RBM12B: variants seen among roughly 807,000 people sequenced by gnomAD.
RBM12B encodes RNA-binding protein 12B.
Under a neutral mutation model 34.3 loss-of-function variants are expected in RBM12B, and 10 were observed. That is an observed-to-expected ratio of 0.29 (90% CI 0.18 to 0.49). The LOEUF (loss-of-function observed/expected upper bound fraction) is 0.49, where lower values mean the gene tolerates loss of function less well. Among genes scored for constraint, RBM12B ranks in the 20% least tolerant of loss-of-function variants. The probability of loss-of-function intolerance (pLI) is 0.99; values close to 1 mark genes in which losing one functional copy is unlikely to be tolerated. For synonymous variants in RBM12B, 477 were observed against 437.1 expected (o/e 1.09, Z -1.14); for missense variants, 1,139 against 1,262.7 (o/e 0.90, Z 1.48).
At position 93,728,613 on chromosome 8, in the gene RBM12B, A is replaced by G. The variant is rs572854361; in HGVS notation, c.*4792T>C. 6.3e-5 allele frequency: 11 copies of G among 175,944 alleles called. No individual in the cohort carries two copies. The East Asian group carries it at 1.7e-3, about 27-fold the overall frequency. The allele number at this position is 175,944 out of a possible 1,614,324, so 10.9% of individuals were successfully genotyped here. A position where few individuals can be genotyped will look rare whatever the true frequency, so the allele number is the denominator to read the frequency against. ...CAATAGTACATTATGACAGAAACCA[A>G]AAGATCTAACAATTCTGCTTAGCTT... On this transcript the variant is annotated 3_prime_UTR_variant, in exon 4 of 4. Coordinates refer to ENST00000520560, the MANE Select transcript of RBM12B (RefSeq NM_001377960.1).
At position 93,736,200 on chromosome 8, in the gene RBM12B, G is replaced by T; in HGVS notation, c.211C>A (p.Leu71Ile). The T allele has an allele frequency of 6.2e-7, 1 of 1,614,126 alleles. No homozygotes were observed. Among genetic ancestry groups the T allele is most frequent in the Non-Finnish European group, 8.5e-7 (1 of 1,180,030 alleles). ...ATTTCTGCCTTGCTACTAAGAAAGA[G>T]CTCTACAGATGAATCCTTGATAAAC... is the stretch of plus-strand genomic sequence containing the variant. ...GGFIKDSSVE[L>I]FLSSKAEMQK... The change falls in exon 4 of 4, where the codon CTC (leucine) becomes ATC (isoleucine). Residue 71 changes from leucine (L) to isoleucine (I), a missense_variant. Leu to Ile is a conservative substitution (Grantham distance 5). Coordinates refer to ENST00000520560, the MANE Select transcript of RBM12B (RefSeq NM_001377960.1).
chr8:93,736,923 C>T (rs1812038551), intron 3 of RBM12B, among the ~76,000 whole-genome samples: 1 of 152,190 alleles, frequency 6.6e-6, no homozygotes. Context: ...GAACAAAAGC[C>T]AGGGCCAGCA....
At position 93,732,397 on chromosome 8, in the gene RBM12B, CAG is replaced by C. The variant is rs1811823924; in HGVS notation, c.*1006_*1007del. On this transcript the variant is annotated 3_prime_UTR_variant, in exon 4 of 4. Coordinates refer to ENST00000520560, the MANE Select transcript of RBM12B (RefSeq NM_001377960.1). ...CAAAATTCAACCACACAAGTCTTAA[CAG>C]TTATAGAGTCTTTGCATGGACACAG... The C allele has an allele frequency of 6.6e-6, 1 of 152,152 alleles. No individual in the cohort carries two copies. The highest frequency in any genetic ancestry group is 1.5e-5 in the Non-Finnish European group (1 of 68,016). The allele number at this position is 152,152 out of a possible 1,614,324, so 9.4% of individuals were successfully genotyped here. A position where few individuals can be genotyped will look rare whatever the true frequency, so the allele number is the denominator to read the frequency against.
chr8:93,740,559 T>A (rs1246486333), intron 2 of RBM12B, 70 bp downstream of exon 2: 48 of 455,844 alleles, frequency 1.1e-4, no homozygotes, highest in Admixed American at 1.0e-3. Flanking sequence ...TTCTCAAGCC[T>A]AACGAGCTGG....
chr8:93,732,151 C>T lies in RBM12B; in HGVS notation c.*1254G>A, dbSNP rs749977533. 1 of 152,164 alleles carries T rather than the reference C, an allele frequency of 6.6e-6. No homozygotes were observed. The highest frequency in any genetic ancestry group is 2.4e-5 in the African/African-American group (1 of 41,444). The allele number at this position is 152,164 out of a possible 1,614,324, so 9.4% of individuals were successfully genotyped here. ...CTATGACTTCAAGCAAGTTGCTTAA[C>T]CTCGCACTTCATCCCACTTCATTAT... On this transcript the variant is annotated 3_prime_UTR_variant, in exon 4 of 4. Coordinates refer to ENST00000520560, the MANE Select transcript of RBM12B (RefSeq NM_001377960.1).
At position 93,733,769 on chromosome 8, in the gene RBM12B, C is replaced by T. The variant is rs1341091146; in HGVS notation, c.2642G>A (p.Ser881Asn). Residue 881 changes from serine to asparagine, a missense_variant, in exon 4 of 4, where the codon AGT (serine) becomes AAT (asparagine). Ser to Asn is a conservative substitution (Grantham distance 46, BLOSUM62 1). This residue lies in a region of RBM12B where 863 missense variants were observed against 869.5 expected (regional missense o/e 0.99). Transcript: ENST00000520560. ...ACCAAAATTCACAAAAGGGCGGTGACTTCTAAAATCATCAGGCGGGCTCCT... is the reference window on the plus strand; with the variant it reads ...ACCAAAATTCACAAAAGGGCGGTGATTTCTAAAATCATCAGGCGGGCTCCT... ...DFRSPPDDFR[S>N]HRPFVNFGRP... The T allele has an allele frequency of 2.5e-6, 4 of 1,614,052 alleles. No homozygotes were observed. Among genetic ancestry groups the T allele is most frequent in the Non-Finnish European group, 3.4e-6 (4 of 1,180,034 alleles).
At chr8:93,737,807 C>CAAA (rs78204688) in intron 2 of RBM12B, among the ~76,000 whole-genome samples, 48 of 100,526 alleles carry the variant, frequency 4.8e-4, no homozygotes, top group Non-Finnish European at 8.2e-4. Flanking sequence ...ACCCAAAGTT[C>CAAA]AAAAAAAAAA....
Position 93,728,522 on chromosome 8 carries a change from CT to C in RBM12B, c.*4882del, listed in dbSNP as rs954848115. 1.1e-3 allele frequency: 401 copies of C among 352,322 alleles called. No individual in the cohort carries two copies. The highest frequency in any genetic ancestry group is 1.5e-3 in the South Asian group (22 of 14,458). The allele number at this position is 352,322 out of a possible 1,614,324, so 21.8% of individuals were successfully genotyped here. ...TGTTACATGATTTTTGTGTAAGTGC[CT>C]TTTTTTTTAAAGATGGTGTATTTCA... On this transcript the variant is annotated 3_prime_UTR_variant, in exon 4 of 4. Transcript: ENST00000520560.
chr8:93,735,308 G>A lies in RBM12B; in HGVS notation c.1103C>T (p.Ala368Val), dbSNP rs527810504. The change falls in exon 4 of 4, where the codon GCA (alanine) becomes GTA (valine). Residue 368 changes from alanine (A) to valine (V), a missense_variant. By Grantham distance (64) the Ala-to-Val change is moderately conservative (BLOSUM62 0). Coordinates refer to ENST00000520560, the MANE Select transcript of RBM12B (RefSeq NM_001377960.1). ...ISRKQMLKFI[A>V]RYEKKRSGSL... ...CCCTGATCTCTTCTTTTCATAACGT[G>A]CAATGAACTTCAGCATTTGTTTTCT... 53 of 1,613,900 alleles carry A rather than the reference G, an allele frequency of 3.3e-5. No individual in the cohort carries two copies. In the Admixed American group the frequency reaches 8.7e-4, roughly 26 times the overall value.
intron 3 of RBM12B, 136 bp from the exon 4 acceptor site, chr8:93,736,574 C>T: frequency 1.6e-6 from 1 of 615,302 alleles, no homozygotes; most frequent in Non-Finnish European, 2.6e-6. Context: ...CACAAAAATA[C>T]TGATCATATC....
chr8:93,734,712 A>G lies in RBM12B; in HGVS notation c.1699T>C (p.Phe567Leu). The G allele has an allele frequency of 1.2e-6, 2 of 1,613,808 alleles. No individual in the cohort carries two copies. Among genetic ancestry groups the G allele is most frequent in the Non-Finnish European group, 1.7e-6 (2 of 1,179,798 alleles). ...DFRHSSEDFR[F>L]PPEDFRHSPE... Reference sequence around the variant, plus strand: ...GAGTGCCTGAAGTCCTCCGGGGGGAACCTAAAGTCCTCTGAGGAGTGTCGG... The same window carrying G: ...GAGTGCCTGAAGTCCTCCGGGGGGAGCCTAAAGTCCTCTGAGGAGTGTCGG... Residue 567 changes from phenylalanine to leucine, a missense_variant, in exon 4 of 4, where the codon TTC (phenylalanine) becomes CTC (leucine). Phe to Leu is a conservative substitution (Grantham distance 22, BLOSUM62 0). Around this residue, in one of 3 missense-constraint regions of RBM12B, gnomAD observed 863 missense variants for 869.5 expected, o/e 0.99. Transcript: ENST00000520560.
rs764615923 is a variant in RBM12B at position 93,734,669 on chromosome 8, C to A, written c.1742G>T (p.Arg581Leu). 65 of 1,613,814 alleles carry A rather than the reference C, an allele frequency of 4.0e-5. No homozygotes were observed. Among genetic ancestry groups the A allele is most frequent in the Non-Finnish European group, 5.5e-5 (65 of 1,179,966 alleles). The change falls in exon 4 of 4, where the codon CGA (arginine) becomes CTA (leucine). Residue 581 changes from arginine (R) to leucine (L), a missense_variant. Physicochemically the swap from Arg to Leu is moderately radical, Grantham distance 102. Around this residue, in one of 3 missense-constraint regions of RBM12B, gnomAD observed 863 missense variants for 869.5 expected, o/e 0.99. Coordinates refer to ENST00000520560, the MANE Select transcript of RBM12B (RefSeq NM_001377960.1). ...DFRHSPEDFR[R>L]PREEDFRRPS... ...CCGCCTGAAGTCTTCCTCCCTAGGTCGCCTGAAGTCCTCTGGGGAGTGCCT... is the reference window on the plus strand; with the variant it reads ...CCGCCTGAAGTCTTCCTCCCTAGGTAGCCTGAAGTCCTCTGGGGAGTGCCT...
chr8:93,736,471 C>A (rs1812026222), intron 3 of RBM12B, 33 bp from the exon 4 acceptor site: 1 of 1,475,020 alleles, frequency 6.8e-7, no homozygotes, highest in Non-Finnish European at 8.9e-7. Flanking sequence ...AATAGCAAGT[C>A]TTATTTTTGA....
chr8:93,738,476 G>A (rs1812091712), intron 2 of RBM12B, among the ~76,000 whole-genome samples: 1 of 152,130 alleles, frequency 6.6e-6, no homozygotes, highest in Admixed American at 6.5e-5. Flanking sequence ...TTTGGTGGGG[G>A]AGACAGGGTC....
rs770620128 is a variant in RBM12B at position 93,733,570 on chromosome 8, A to G, written c.2841T>C (p.Gly947=). 3 of 1,613,682 alleles carry G rather than the reference A, an allele frequency of 1.9e-6. No homozygotes were observed. The South Asian group carries it at 3.3e-5, about 18-fold the overall frequency. The change falls in exon 4 of 4, where the codon GGT becomes GGC. Residue 947 remains glycine, a synonymous_variant. Coordinates refer to ENST00000520560, the MANE Select transcript of RBM12B (RefSeq NM_001377960.1). Reference sequence around the variant, plus strand: ...AAACTGAATCAGGTATGATTCTGTAACCATGGAAAAAGTCTAAAATTTCAT... The same window carrying G: ...AAACTGAATCAGGTATGATTCTGTAGCCATGGAAAAAGTCTAAAATTTCAT... ...NVNEILDFFH[G]YRIIPDSVSI... is the part of the protein sequence containing the mutation.
At position 93,728,425 on chromosome 8, in the gene RBM12B, G is replaced by A; in HGVS notation, c.*4980C>T. On this transcript the variant is annotated 3_prime_UTR_variant, in exon 4 of 4. Coordinates refer to ENST00000520560, the MANE Select transcript of RBM12B (RefSeq NM_001377960.1). ...AACTGGAAACAGAAAAATAATTAAA[G>A]GAAACTTATGCTGACCAAAAATGAA... is the stretch of plus-strand genomic sequence containing the variant. The A allele has an allele frequency of 5.0e-6, 3 of 594,346 alleles. No homozygotes were observed. The highest frequency in any genetic ancestry group is 8.0e-5 in the Admixed American group (2 of 25,152). The allele number at this position is 594,346 out of a possible 1,614,324, so 36.8% of individuals were successfully genotyped here.
At position 93,730,075 on chromosome 8, in the gene RBM12B, G is replaced by A. The variant is rs537878431; in HGVS notation, c.*3330C>T. The A allele has an allele frequency of 3.9e-5, 6 of 152,254 alleles. 1 individual carries two copies. In the East Asian group the frequency reaches 1.2e-3, roughly 29 times the overall value. 9.4% of individuals were successfully genotyped at this position (152,254 alleles called of 1,614,324 possible). A position where few individuals can be genotyped will look rare whatever the true frequency, so the allele number is the denominator to read the frequency against. On this transcript the variant is annotated 3_prime_UTR_variant, in exon 4 of 4. Coordinates refer to ENST00000520560, the MANE Select transcript of RBM12B (RefSeq NM_001377960.1). The stretch of plus-strand genomic sequence containing the variant: ...TCATGTTGGCACTCAAAAAGTTTGT[G>A]ATTTTCGGAGCATGTGAAATTTCAG...
rs953411945 is a variant in RBM12B at position 93,730,121 on chromosome 8, C to T, written c.*3284G>A. ...TTCAGATTACCAGATTAGGAATACT[C>T]AACCTGTAGTACATTTACTAGGATT... On this transcript the variant is annotated 3_prime_UTR_variant, in exon 4 of 4. Transcript: ENST00000520560. The T allele has an allele frequency of 2.6e-5, 4 of 152,122 alleles. No individual in the cohort carries two copies. Among genetic ancestry groups the T allele is most frequent in the Admixed American group, 6.5e-5 (1 of 15,280 alleles). The allele number at this position is 152,122 out of a possible 1,614,324, so 9.4% of individuals were successfully genotyped here. A position where few individuals can be genotyped will look rare whatever the true frequency, so the allele number is the denominator to read the frequency against.
In RBM12B at chr8:93,736,439, C is replaced by G; in HGVS notation, c.-28-1G>C. ...GAGCTCAAACCACAGCAATAATGAC[C>G]TGCAGACAAAAAGGTACACATAATA... is the stretch of plus-strand genomic sequence containing the variant. On this transcript the variant is annotated splice_acceptor_variant, in intron 3 of 3. Transcript: ENST00000520560. LOFTEE classifies it low-confidence loss of function (5UTR_SPLICE). 6.6e-7 allele frequency: 1 copy of G among 1,519,396 alleles called. No individual in the cohort carries two copies. Among genetic ancestry groups the G allele is most frequent in the Non-Finnish European group, 8.8e-7 (1 of 1,142,580 alleles). 94.1% of individuals were successfully genotyped at this position (1,519,396 alleles called of 1,614,324 possible).
Sources: allele counts gnomAD v4.1 joint callset (sites outside exome capture counted in the v4.1 genomes callset), GRCh38; gene constraint gnomAD v4.1.1; regional missense constraint gnomAD v4.1.1; transcripts MANE v1.5; gene names NCBI Gene and HGNC (gene_info 2026-07-23, HGNC 2026-07-21).